The following DOCK3 variants were observed in gnomAD, a reference collection of about 807,000 sequenced individuals.
The protein encoded by DOCK3 is dedicator of cytokinesis 3, also known as dedicator of cytokinesis protein 3.
In DOCK3, 60 loss-of-function variants were observed where a neutral mutation model predicts 265.6. The observed-to-expected ratio is 0.23, with a 90% CI of 0.18 to 0.28. The LOEUF is 0.28. Ranked by LOEUF, DOCK3 falls within the 10% of genes least tolerant of loss-of-function variation. DOCK3 has a pLI of 1.00. For synonymous variants in DOCK3, 881 were observed against 938.0 expected (o/e 0.94, Z 1.11); for missense variants, 1,981 against 2,594.3 (o/e 0.76, Z 5.14).
chr3:50,830,320 A>G (rs2045063022), intron 2 of DOCK3, among the ~76,000 whole-genome samples: 1 of 152,224 alleles, frequency 6.6e-6, no homozygotes, highest in African/African-American at 2.4e-5. Context: ...ACAAAGAACC[A>G]TGATTTGTTA....
rs2042283700 is a variant in DOCK3, at chr3:50,788,184, G to A, written c.121+9426G>A. 5.3e-6 allele frequency: 4 copies of A among 748,154 alleles called. No individual in the cohort carries two copies. In the South Asian group the frequency reaches 8.7e-5, roughly 16 times the overall value. 46.3% of individuals were successfully genotyped at this position (748,154 alleles called of 1,614,324 possible). A position where few individuals can be genotyped will look rare whatever the true frequency, so the allele number is the denominator to read the frequency against. On this transcript the variant is annotated intron_variant, in intron 2 of 52. Coordinates refer to ENST00000266037, the MANE Select transcript of DOCK3 (RefSeq NM_004947.5). ...TCCTTGTGGCACCATGATGAAAGCT[G>A]GATGGCACTTGCCCATGACGGCTAT...
At chr3:51,067,421 A>G (rs2081631732) in intron 6 of DOCK3, among the ~76,000 whole-genome samples, 1 of 57,316 alleles carries the variant, frequency 1.7e-5, no homozygotes, top group African/African-American at 7.0e-5. Flanking sequence ...TCTCAATGAA[A>G]TATGTTTGTG....
intron 1 of DOCK3, among the ~76,000 whole-genome samples, chr3:50,760,138 T>G (rs1347982139): frequency 6.6e-6 from 1 of 152,174 alleles, no homozygotes; most frequent in Non-Finnish European, 1.5e-5. Context: ...TAGCTTTTAC[T>G]TTTAAGTCTT....
intron 3 of DOCK3, among the ~76,000 whole-genome samples, chr3:50,847,620 A>G (rs1307908988): frequency 1.8e-4 from 28 of 152,070 alleles, no homozygotes; most frequent in Admixed American, 1.8e-3. Context: ...GCAGTGGCTT[A>G]TGTCTGTAAT....
chr3:50,757,381 C>T (rs1244515899), intron 1 of DOCK3, among the ~76,000 whole-genome samples: 5 of 150,076 alleles, frequency 3.3e-5, no homozygotes, highest in Non-Finnish European at 7.4e-5. Flanking sequence ...CATGTTGGCC[C>T]GGCTGGTCTT....
intron 4 of DOCK3, among the ~76,000 whole-genome samples, chr3:50,897,690 G>T (rs2048968587): frequency 6.7e-6 from 1 of 149,130 alleles, no homozygotes; most frequent in South Asian, 2.2e-4. Flanking sequence ...GCCTAAAGGG[G>T]TGTAGAATTT....
chr3:51,243,885 A>T (rs898869662), intron 21 of DOCK3, among the ~76,000 whole-genome samples: 2 of 152,196 alleles, frequency 1.3e-5, no homozygotes, highest in African/African-American at 2.4e-5. Context: ...ATATTGTATA[A>T]GATAAGTGTC....
At chr3:50,950,177 T>C (rs1364993591) in intron 5 of DOCK3, among the ~76,000 whole-genome samples, 1 of 152,158 alleles carries the variant, frequency 6.6e-6, no homozygotes, top group Non-Finnish European at 1.5e-5. Context: ...GTGTCCTCCT[T>C]TATTTCTTTA....
intron 9 of DOCK3, among the ~76,000 whole-genome samples, chr3:51,126,425 A>ATTCC (rs2084269675): frequency 6.6e-6 from 1 of 152,352 alleles, no homozygotes; most frequent in African/African-American, 2.4e-5. Flanking sequence ...CTTTCAGCTG[A>ATTCC]GGAATATAAA....
intron 3 of DOCK3, among the ~76,000 whole-genome samples, chr3:50,881,653 G>A (rs1272748137): frequency 1.3e-5 from 2 of 152,128 alleles, no homozygotes; most frequent in South Asian, 2.1e-4. Context: ...ATGCTCATGG[G>A]TAGGAAGAAT....
intron 1 of DOCK3, among the ~76,000 whole-genome samples, chr3:50,722,910 T>C (rs1559552698): frequency 6.6e-6 from 1 of 151,970 alleles, no homozygotes; most frequent in African/African-American, 2.4e-5. Flanking sequence ...TAGCTGGGAC[T>C]ACAGGCACAT....
At chr3:50,694,083 A>G (rs1388471952) in intron 1 of DOCK3, among the ~76,000 whole-genome samples, 1 of 151,384 alleles carries the variant, frequency 6.6e-6, no homozygotes, top group African/African-American at 2.4e-5. Context: ...AGCCTGGCCA[A>G]CATGGCAAAA....
At chr3:51,177,172 G>A (rs966177420) in intron 12 of DOCK3, among the ~76,000 whole-genome samples, 1 of 152,094 alleles carries the variant, frequency 6.6e-6, no homozygotes, top group Non-Finnish European at 1.5e-5. Context: ...ACATTTCTTG[G>A]AAGAGTAAGA....
intron 5 of DOCK3, among the ~76,000 whole-genome samples, chr3:51,001,938 G>T (rs866247331): frequency 7.6e-6 from 1 of 132,072 alleles, no homozygotes; most frequent in Non-Finnish European, 1.7e-5. Flanking sequence ...TTAAGAGACA[G>T]GGTCTCACTC....
At chr3:51,354,571 G>A (rs1271266824) in intron 40 of DOCK3, among the ~76,000 whole-genome samples, 1 of 152,178 alleles carries the variant, frequency 6.6e-6, no homozygotes, top group African/African-American at 2.4e-5. Flanking sequence ...GGACCTTTCA[G>A]GACGTTTTTT....
intron 51 of DOCK3, among the ~76,000 whole-genome samples, chr3:51,378,736 T>C (rs1452957933): frequency 1.3e-5 from 2 of 152,224 alleles, no homozygotes; most frequent in African/African-American, 4.8e-5. Context: ...CCAGCCATCA[T>C]TCCTCTCTCC....
intron 2 of DOCK3, among the ~76,000 whole-genome samples, chr3:50,835,727 A>G (rs1182849233): frequency 6.6e-6 from 1 of 152,230 alleles, no homozygotes; most frequent in African/African-American, 2.4e-5. Flanking sequence ...CCCAAAATTA[A>G]GGGTTCCATT....
chr3:51,339,869 C>T (rs751075), intron 37 of DOCK3, among the ~76,000 whole-genome samples: 132,750 of 152,286 alleles, frequency 0.87, 57,956 homozygotes, highest in East Asian at 0.94. Context: ...GCAAACGCTA[C>T]TGCAATTAGA....
At chr3:50,716,985 G>C (rs1219534825) in intron 1 of DOCK3, among the ~76,000 whole-genome samples, 1 of 151,748 alleles carries the variant, frequency 6.6e-6, no homozygotes, top group Non-Finnish European at 1.5e-5. Context: ...TTTTTCTTTT[G>C]ATACTAAAAG....
Sources: gnomAD v4.1 joint callset for allele counts (sites outside exome capture counted in the v4.1 genomes callset) on GRCh38, gnomAD v4.1.1 for gene constraint, MANE v1.5 for transcripts, NCBI Gene and HGNC (gene_info 2026-07-23, HGNC 2026-07-21) for gene names.